Variants in PCSK7 observed in about 807,000 individuals in gnomAD.
The protein encoded by PCSK7 is proprotein convertase subtilisin/kexin type 7.
Under a neutral mutation model 73.3 loss-of-function variants are expected in PCSK7, and 38 were observed. The ratio of observed to expected loss-of-function variants is 0.52; its 90% confidence interval spans 0.40 to 0.68. The LOEUF is 0.68. Among genes scored for constraint, PCSK7 ranks in the 30% least tolerant of loss-of-function variants. The probability of loss-of-function intolerance (pLI) is 0.00; values close to 1 mark genes in which losing one functional copy is unlikely to be tolerated. For synonymous variants in PCSK7, 296 were observed against 383.8 expected (o/e 0.77, Z 2.68); for missense variants, 692 against 991.5 (o/e 0.70, Z 4.06).
Position 117,206,294 on chromosome 11 carries a change from A to G in PCSK7, c.2061T>C (p.Tyr687=). The G allele has an allele frequency of 5.0e-6, 8 of 1,614,192 alleles. No homozygotes were observed. Among genetic ancestry groups the G allele is most frequent in the East Asian group, 2.2e-5 (1 of 44,884 alleles). ...TGGAAGCCACATTCCTCTGGCTCAA[A>G]TATACTTCCAGCATGTAGTAAACAG... ...FWTVYYMLEV[Y]LSQRNVASNQ... Residue 687 remains tyrosine, a synonymous_variant, in exon 17 of 17, where the codon TAT becomes TAC. Transcript: ENST00000320934.
intron 10 of PCSK7, 134 bp from the exon 11 acceptor site, chr11:117,219,298 C>T (rs1044568996): frequency 2.8e-6 from 2 of 704,786 alleles, no homozygotes; most frequent in Non-Finnish European, 4.7e-6. Flanking sequence ...GAATGGATTC[C>T]CCAAGGCAAG....
chr11:117,230,847 A>G (rs913555155), intron 1 of PCSK7, among the ~76,000 whole-genome samples: 1 of 152,134 alleles, frequency 6.6e-6, no homozygotes, highest in Admixed American at 6.6e-5. Context: ...GCGGGGGCGA[A>G]ACGGGGAAAG....
intron 12 of PCSK7, chr11:117,213,109 G>A (rs1467765111): frequency 6.6e-6 from 1 of 152,194 alleles, no homozygotes; most frequent in Non-Finnish European, 1.5e-5. Context: ...CCCTGTTGCA[G>A]TGCCTATAAC....
At chr11:117,228,134 T>C in intron 4 of PCSK7, 82 bp downstream of exon 4, 3 of 1,410,324 alleles carry the variant, frequency 2.1e-6, no homozygotes, top group Non-Finnish European at 3.0e-6. Context: ...CAAAGACCTC[T>C]AGAAAAGGGG....
intron 5 of PCSK7, chr11:117,226,952 A>T: frequency 6.2e-6 from 3 of 487,146 alleles, no homozygotes; most frequent in Non-Finnish European, 1.1e-5. Flanking sequence ...TATAAATAGA[A>T]AAACATGTTT....
intron 3 of PCSK7, among the ~76,000 whole-genome samples, chr11:117,228,750 A>C (rs2134333063): frequency 6.6e-6 from 1 of 151,716 alleles, no homozygotes; most frequent in South Asian, 2.1e-4. Context: ...GCTTCCGAGT[A>C]GCTGCGACTA....
intron 12 of PCSK7, chr11:117,212,036 C>G (rs907781077): frequency 1.3e-5 from 2 of 152,294 alleles, no homozygotes; most frequent in Non-Finnish European, 2.9e-5. Context: ...TTTAGATTCA[C>G]GATGGCTACT....
chr11:117,204,701 A>G lies in PCSK7; in HGVS notation c.*1296T>C. On this transcript the variant is annotated 3_prime_UTR_variant, in exon 17 of 17. Transcript: ENST00000320934. ...CTCCTTGGCGGCAAAAGCCCATTGA[A>G]GAAGAACCAGCCCAGCCTGCCCCCT... 2.5e-6 allele frequency: 1 copy of G among 394,598 alleles called. No homozygotes were observed. Among genetic ancestry groups the G allele is most frequent in the Non-Finnish European group, 4.8e-6 (1 of 207,848 alleles). The allele number at this position is 394,598 out of a possible 1,614,324, so 24.4% of individuals were successfully genotyped here.
In PCSK7 at chr11:117,224,070, G is replaced by A. The variant is rs368923684; in HGVS notation, c.1054+8C>T. ...ACACACAGGAGCACAGAAACATTGG[G>A]TGACTACCTATGGTGACGGTGTAGA... On this transcript the variant is annotated splice_region_variant and intron_variant, in intron 8 of 16. Coordinates refer to ENST00000320934, the MANE Select transcript of PCSK7 (RefSeq NM_004716.4). 8 of 1,613,944 alleles carry A rather than the reference G, an allele frequency of 5.0e-6. No individual in the cohort carries two copies. Among genetic ancestry groups the A allele is most frequent in the South Asian group, 2.2e-5 (2 of 91,092 alleles).
chr11:117,222,275 G>A (rs1290579135), intron 9 of PCSK7: 2 of 152,198 alleles, frequency 1.3e-5, no homozygotes, highest in South Asian at 2.1e-4. Flanking sequence ...GGGTGTAGGC[G>A]ATCGTCTTCA....
intron 3 of PCSK7, among the ~76,000 whole-genome samples, chr11:117,229,112 C>A (rs2032540350): frequency 6.6e-6 from 1 of 152,216 alleles, no homozygotes; most frequent in South Asian, 2.1e-4. Flanking sequence ...AAGCAGCTTG[C>A]CCAAATGCAC....
intron 12 of PCSK7, chr11:117,215,385 T>TATATATATATATAC (rs2031931077): frequency 1.3e-5 from 1 of 76,946 alleles, no homozygotes; most frequent in African/African-American, 9.6e-5. Flanking sequence ...TGTGTGTATA[T>TATATATATATATAC]ATATATATAT....
intron 9 of PCSK7, chr11:117,220,343 A>T (rs745925556): frequency 6.6e-6 from 1 of 152,542 alleles, no homozygotes; most frequent in African/African-American, 2.4e-5. Context: ...CCTGGGTTCC[A>T]GCGATCCTCC....
intron 1 of PCSK7, among the ~76,000 whole-genome samples, chr11:117,230,914 G>C (rs1171807687): frequency 6.6e-6 from 1 of 152,102 alleles, no homozygotes; most frequent in Non-Finnish European, 1.5e-5. Flanking sequence ...AACCAGGAGA[G>C]AACGAATGAT....
In PCSK7 at chr11:117,204,457, G is replaced by C; in HGVS notation, c.*1540C>G. On this transcript the variant is annotated 3_prime_UTR_variant, in exon 17 of 17. Coordinates refer to ENST00000320934, the MANE Select transcript of PCSK7 (RefSeq NM_004716.4). Reference sequence around the variant, plus strand: ...CACCCACACCCGTGTGGTACCTTCAGCCCTGGCCAAGCTTTGAGGCTCTGT... The same window carrying C: ...CACCCACACCCGTGTGGTACCTTCACCCCTGGCCAAGCTTTGAGGCTCTGT... 1 of 1,573,044 alleles carries C rather than the reference G, an allele frequency of 6.4e-7. No individual in the cohort carries two copies. Among genetic ancestry groups the C allele is most frequent in the South Asian group, 1.1e-5 (1 of 87,966 alleles).
In PCSK7 at chr11:117,204,721, C is replaced by T. The variant is rs1322926794; in HGVS notation, c.*1276G>A. The T allele has an allele frequency of 2.9e-6, 1 of 348,072 alleles. No homozygotes were observed. Among genetic ancestry groups the T allele is most frequent in the Non-Finnish European group, 5.5e-6 (1 of 182,056 alleles). The allele number at this position is 348,072 out of a possible 1,614,324, so 21.6% of individuals were successfully genotyped here. ...ATTGAAGAAGAACCAGCCCAGCCTG[C>T]CCCCTATCTTGTCCTGGAATATTTT... On this transcript the variant is annotated 3_prime_UTR_variant, in exon 17 of 17. Coordinates refer to ENST00000320934, the MANE Select transcript of PCSK7 (RefSeq NM_004716.4).
chr11:117,225,973 G>A lies in PCSK7; in HGVS notation c.818C>T (p.Ala273Val), dbSNP rs1455768861. Residue 273 changes from alanine to valine, a missense_variant, in exon 6 of 17, where the codon GCG (alanine) becomes GTG (valine). This residue lies in a region of PCSK7 where 574 missense variants were observed against 689.8 expected (regional missense o/e 0.83). Coordinates refer to ENST00000320934, the MANE Select transcript of PCSK7 (RefSeq NM_004716.4). ...GPLTDSMEAV[A>V]FNKHYQINDI... ...ATTGATCTGATAGTGCTTGTTGAACGCCACTGCCTCCATGCTGTCTGTGAG... is the reference window on the plus strand; with the variant it reads ...ATTGATCTGATAGTGCTTGTTGAACACCACTGCCTCCATGCTGTCTGTGAG... 6.2e-6 allele frequency: 10 copies of A among 1,611,950 alleles called. No individual in the cohort carries two copies. The highest frequency in any genetic ancestry group is 1.3e-5 in the African/African-American group (1 of 74,848).
chr11:117,205,221 TCA>T lies in PCSK7; in HGVS notation c.*774_*775del. On this transcript the variant is annotated 3_prime_UTR_variant, in exon 17 of 17. Coordinates refer to ENST00000320934, the MANE Select transcript of PCSK7 (RefSeq NM_004716.4). ...GAGAAGGCCAAGGTTGAGAGAAGAG[TCA>T]CAGCCTGTCAGGCAGATAGCTGGCC... 4.3e-6 allele frequency: 1 copy of T among 232,856 alleles called. No individual in the cohort carries two copies. Among genetic ancestry groups the T allele is most frequent in the Non-Finnish European group, 8.5e-6 (1 of 117,792 alleles). 14.4% of individuals were successfully genotyped at this position (232,856 alleles called of 1,614,324 possible). A position where few individuals can be genotyped will look rare whatever the true frequency, so the allele number is the denominator to read the frequency against.
chr11:117,215,500 A>T (rs982642981), intron 12 of PCSK7: 2 of 148,204 alleles, frequency 1.3e-5, no homozygotes, highest in African/African-American at 2.5e-5. Flanking sequence ...TCCCTGGTTC[A>T]CGCCATTCTC....
Sources: gnomAD v4.1 joint callset for allele counts (sites outside exome capture counted in the v4.1 genomes callset) on GRCh38, gnomAD v4.1.1 for gene constraint, gnomAD v4.1.1 regional missense constraint, MANE v1.5 for transcripts, NCBI Gene and HGNC (gene_info 2026-07-23, HGNC 2026-07-21) for gene names.